Variants in FAM13A observed in about 807,000 individuals in gnomAD.
FAM13A encodes family with sequence similarity 13 member A.
A neutral mutation model predicts 129.6 loss-of-function variants in FAM13A; 76 were observed. The observed-to-expected ratio is 0.59, with a 90% CI of 0.49 to 0.71. The LOEUF is 0.71. Among genes scored for constraint, FAM13A ranks in the 30% least tolerant of loss-of-function variants. FAM13A has a pLI of 0.00. For synonymous variants in FAM13A, 443 were observed against 449.9 expected (o/e 0.98, Z 0.20); for missense variants, 1,108 against 1,249.3 (o/e 0.89, Z 1.70).
At chr4:88,731,807 A>G (rs1022246971) in intron 22 of FAM13A, 195 bp downstream of exon 22, 14 of 545,798 alleles carry the variant, frequency 2.6e-5, no homozygotes, top group Non-Finnish European at 4.1e-5. Flanking sequence ...AACAAGACTC[A>G]AAAGTTCCCT....
At chr4:88,791,742 T>C (rs938868317) in intron 8 of FAM13A, among the ~76,000 whole-genome samples, 1 of 152,128 alleles carries the variant, frequency 6.6e-6, no homozygotes, top group African/African-American at 2.4e-5. Context: ...ATTTTCAACA[T>C]ATGAATATGT....
intron 7 of FAM13A, among the ~76,000 whole-genome samples, chr4:88,821,317 G>C (rs973905589): frequency 7.9e-5 from 12 of 152,132 alleles, no homozygotes; most frequent in Non-Finnish European, 1.8e-4. Flanking sequence ...GTGAATGCAC[G>C]TAACAGCGCT....
chr4:89,053,684 A>G (rs952136421), intron 1 of FAM13A, among the ~76,000 whole-genome samples: 1 of 152,118 alleles, frequency 6.6e-6, no homozygotes, highest in African/African-American at 2.4e-5. Flanking sequence ...GGTGGGGTGG[A>G]CTGTTAGGCA....
At chr4:88,790,504 C>CT (rs1553981221) in intron 9 of FAM13A, 82 bp downstream of exon 9, 948 of 1,148,114 alleles carry the variant, frequency 8.3e-4, no homozygotes, top group Non-Finnish European at 8.8e-4. Context: ...ATTAGAGTTG[C>CT]TTTTTTTTTC....
At chr4:89,014,117 G>T (rs1183050315) in intron 3 of FAM13A, among the ~76,000 whole-genome samples, 1 of 152,124 alleles carries the variant, frequency 6.6e-6, no homozygotes, top group Non-Finnish European at 1.5e-5. Flanking sequence ...ATGAATGAAT[G>T]AATAAATGAA....
At chr4:89,044,022 C>T (rs1056468577) in intron 1 of FAM13A, among the ~76,000 whole-genome samples, 3 of 143,960 alleles carry the variant, frequency 2.1e-5, no homozygotes, top group African/African-American at 7.9e-5. Flanking sequence ...TGCTTGAGTC[C>T]AGGAGGTCAA....
chr4:88,802,633 A>T (rs1360830300), intron 8 of FAM13A, among the ~76,000 whole-genome samples: 2 of 152,180 alleles, frequency 1.3e-5, no homozygotes. Flanking sequence ...CCATAAAGTG[A>T]TAACAAGAGC....
intron 14 of FAM13A, among the ~76,000 whole-genome samples, chr4:88,753,209 T>C (rs963234388): frequency 4.6e-5 from 7 of 152,240 alleles, no homozygotes; most frequent in Non-Finnish European, 7.3e-5. Context: ...AATTTTTACT[T>C]ATAAGAGTGT....
intron 21 of FAM13A, among the ~76,000 whole-genome samples, chr4:88,733,632 G>A (rs916106587): frequency 6.6e-6 from 1 of 152,182 alleles, no homozygotes; most frequent in Non-Finnish European, 1.5e-5. Flanking sequence ...AGGAAAACAG[G>A]GTAGAAGTAT....
chr4:88,868,193 T>A (rs571088459), intron 6 of FAM13A, among the ~76,000 whole-genome samples: 7 of 152,270 alleles, frequency 4.6e-5, no homozygotes, highest in Admixed American at 1.3e-4. Context: ...CAAACAAAAA[T>A]TTTTCATGCT....
chr4:88,879,720 CTCTT>C (rs1743208541), intron 6 of FAM13A, among the ~76,000 whole-genome samples: 1 of 152,186 alleles, frequency 6.6e-6, no homozygotes, highest in Non-Finnish European at 1.5e-5. Flanking sequence ...TCCTACAGAA[CTCTT>C]TCCTTTTCCT....
At chr4:89,010,732 T>C (rs1014013571) in intron 3 of FAM13A, among the ~76,000 whole-genome samples, 3 of 152,210 alleles carry the variant, frequency 2.0e-5, no homozygotes, top group East Asian at 1.9e-4. Context: ...TCTGCCATCA[T>C]GTGGTTCTGT....
chr4:88,768,704 C>A (rs886683356), intron 11 of FAM13A, among the ~76,000 whole-genome samples: 3 of 152,034 alleles, frequency 2.0e-5, no homozygotes, highest in African/African-American at 7.2e-5. Flanking sequence ...AAGAACCTTT[C>A]TTTTTACAAT....
intron 7 of FAM13A, among the ~76,000 whole-genome samples, chr4:88,825,322 T>C (rs560224761): frequency 1.3e-5 from 2 of 152,068 alleles, no homozygotes; most frequent in African/African-American, 4.8e-5. Context: ...TTCAAGTGAT[T>C]CTCCTGTCTT....
chr4:88,862,729 TTC>T (rs139139132), intron 6 of FAM13A, among the ~76,000 whole-genome samples: 11,353 of 152,206 alleles, frequency 0.075, 620 homozygotes, highest in African/African-American at 0.16. Context: ...TCCCTCCTTC[TTC>T]TGTTCTGATG....
chr4:88,785,244 C>G (rs996892158), intron 10 of FAM13A, among the ~76,000 whole-genome samples: 4 of 152,068 alleles, frequency 2.6e-5, no homozygotes, highest in African/African-American at 9.7e-5. Flanking sequence ...CACTTTTTAA[C>G]CACTTCATAA....
chr4:88,784,656 T>A (rs1279081804), intron 10 of FAM13A, among the ~76,000 whole-genome samples: 1 of 152,216 alleles, frequency 6.6e-6, no homozygotes, highest in Non-Finnish European at 1.5e-5. Flanking sequence ...AGTCTTTATA[T>A]AACAAAGAAA....
At chr4:88,934,580 G>C (rs760412865) in intron 5 of FAM13A, among the ~76,000 whole-genome samples, 1 of 152,162 alleles carries the variant, frequency 6.6e-6, no homozygotes, top group Non-Finnish European at 1.5e-5. Flanking sequence ...CCTGCAGCTG[G>C]AGAAATTAGA....
intron 5 of FAM13A, among the ~76,000 whole-genome samples, chr4:88,920,274 C>A (rs1177600542): frequency 6.6e-6 from 1 of 152,200 alleles, no homozygotes; most frequent in African/African-American, 2.4e-5. Context: ...CCCTGACCCC[C>A]GAGCAGCCTA....
Sources: allele counts gnomAD v4.1 joint callset (sites outside exome capture counted in the v4.1 genomes callset), GRCh38; gene constraint gnomAD v4.1.1; transcripts MANE v1.5; gene names NCBI Gene and HGNC (gene_info 2026-07-23, HGNC 2026-07-21).